RLIM: variants seen among roughly 807,000 people sequenced by gnomAD.
RLIM encodes ring finger protein, LIM domain interacting, also known as E3 ubiquitin-protein ligase RLIM.
Under a neutral mutation model 34.0 loss-of-function variants are expected in RLIM, and 2 were observed. The ratio of observed to expected loss-of-function variants is 0.06; its 90% CI spans 0.02 to 0.19. The LOEUF (loss-of-function observed/expected upper bound fraction) is 0.19. RLIM is among the 10% of genes least tolerant of loss of function. The pLI is 1.00. For missense variants in RLIM, 286 were observed against 479.7 expected, an observed-to-expected ratio of 0.60 and a Z score of 3.77; for synonymous variants, 169 against 164.0, an observed-to-expected ratio of 1.03 and a Z score of -0.23.
chrX:74,609,602 G>A (rs1340295727), intron 1 of RLIM, among the ~76,000 whole-genome samples: 1 of 108,493 alleles, frequency 9.2e-6, no homozygotes, highest in Non-Finnish European at 1.9e-5. Context: ...GACCAACCAT[G>A]CTGACAATTG....
rs1467896321 is a variant in RLIM, at chrX:74,583,176, T to A, written c.*8264A>T. On this transcript the variant is annotated 3_prime_UTR_variant, in exon 4 of 4. Transcript: ENST00000332687. Reference sequence around the variant, plus strand: ...GGCTTGTAGTACAGCTACAGCTTCATCAACCTTAGAATGGAGTGACTCTGG... The same window carrying A: ...GGCTTGTAGTACAGCTACAGCTTCAACAACCTTAGAATGGAGTGACTCTGG... The A allele has an allele frequency of 6.8e-6, 8 of 1,172,563 alleles. No homozygotes were observed. The East Asian group carries it at 2.4e-4, about 35-fold the overall frequency.
intron 3 of RLIM, 127 bp downstream of exon 3, chrX:74,594,179 T>C (rs1272927001): frequency 2.5e-6 from 1 of 398,284 alleles, no homozygotes; most frequent in Non-Finnish European, 4.2e-6. Flanking sequence ...AGTTTTCTTT[T>C]TATGAGCAGT....
chrX:74,587,388 A>G lies in RLIM; in HGVS notation c.*4052T>C, dbSNP rs891621476. Reference sequence around the variant, plus strand: ...TAGTCTTATAAGACTAGGAGAATAAAAGTGCCCTGCAAACATGGCTTCTAT... The same window carrying G: ...TAGTCTTATAAGACTAGGAGAATAAGAGTGCCCTGCAAACATGGCTTCTAT... On this transcript the variant is annotated 3_prime_UTR_variant, in exon 4 of 4. Transcript: ENST00000332687. 9.0e-6 allele frequency: 1 copy of G among 111,568 alleles called. No homozygotes were observed. Among genetic ancestry groups the G allele is most frequent in the Admixed American group, 9.6e-5 (1 of 10,446 alleles). The allele number at this position is 111,568 out of a possible 1,213,427, so 9.2% of individuals were successfully genotyped here. A position where few individuals can be genotyped will look rare whatever the true frequency, so the allele number is the denominator to read the frequency against.
At position 74,586,848 on chromosome X, in the gene RLIM, CT is replaced by C. The variant is rs1225535810; in HGVS notation, c.*4591del. 8.9e-6 allele frequency: 1 copy of C among 112,535 alleles called. No individual in the cohort carries two copies. The highest frequency in any genetic ancestry group is 1.9e-5 in the Non-Finnish European group (1 of 53,365). 9.3% of individuals were successfully genotyped at this position (112,535 alleles called of 1,213,427 possible). On this transcript the variant is annotated 3_prime_UTR_variant, in exon 4 of 4. Transcript: ENST00000332687. ...GTGGCTCACGCCTATAATCCCAGCA[CT>C]TTGGGAGAATGAGGCAGGCAAATTG...
chrX:74,584,052 C>CA lies in RLIM; in HGVS notation c.*7387dup, dbSNP rs951112265. Among the ~76,000 whole-genome samples the CA allele has an allele frequency of 9.0e-6, 1 of 111,216 alleles. No individual in the cohort carries two copies. The highest frequency in any genetic ancestry group is 1.9e-5 in the Non-Finnish European group (1 of 52,948). On this transcript the variant is annotated 3_prime_UTR_variant, in exon 4 of 4. Transcript: ENST00000332687. ...AGGGCGAGAATCCATCTCAAACAAA[C>CA]AAAAAAATAAACAAAAACCAATTTG...
At position 74,591,113 on chromosome X, in the gene RLIM, GA is replaced by G; in HGVS notation, c.*326del. 2 of 214,588 alleles carry G rather than the reference GA, an allele frequency of 9.3e-6. No individual in the cohort carries two copies. The highest frequency in any genetic ancestry group is 6.4e-5 in the Admixed American group (1 of 15,620). The allele number at this position is 214,588 out of a possible 1,213,427, so 17.7% of individuals were successfully genotyped here. On this transcript the variant is annotated 3_prime_UTR_variant, in exon 4 of 4. Transcript: ENST00000332687. ...TGTGGGAAAATTTAAAGATCAACAT[GA>G]AAAAGGAGCCATTGCTAAGGCAGAT...
intron 1 of RLIM, among the ~76,000 whole-genome samples, chrX:74,612,260 TATACTC>T (rs2079714946): frequency 8.9e-6 from 1 of 112,419 alleles, no homozygotes; most frequent in African/African-American, 3.2e-5. Context: ...TTATTTTACT[TATACTC>T]ATGCCATTCC....
In RLIM at chrX:74,587,904, C is replaced by T. The variant is rs1040183845; in HGVS notation, c.*3536G>A. The T allele has an allele frequency of 8.9e-6, 1 of 111,987 alleles. No individual in the cohort carries two copies. The highest frequency in any genetic ancestry group is 3.2e-5 in the African/African-American group (1 of 30,791). 9.2% of individuals were successfully genotyped at this position (111,987 alleles called of 1,213,427 possible). A position where few individuals can be genotyped will look rare whatever the true frequency, so the allele number is the denominator to read the frequency against. On this transcript the variant is annotated 3_prime_UTR_variant, in exon 4 of 4. Coordinates refer to ENST00000332687, the MANE Select transcript of RLIM (RefSeq NM_016120.4). ...CCTAATCTTAAGGTTTGGATGAATTCCAATCGTTTTTAAAAACTGTGTGTG... is the reference window on the plus strand; with the variant it reads ...CCTAATCTTAAGGTTTGGATGAATTTCAATCGTTTTTAAAAACTGTGTGTG...
chrX:74,592,567 T>C lies in RLIM; in HGVS notation c.748A>G (p.Thr250Ala), dbSNP rs1267187895. The change falls in exon 4 of 4, where the codon ACT (threonine) becomes GCT (alanine). Residue 250 changes from threonine to alanine, a missense_variant. By Grantham distance (58) the Thr-to-Ala change is moderately conservative (BLOSUM62 0). This residue lies in a region of RLIM where 121 missense variants were observed against 182.4 expected (regional missense o/e 0.66). Coordinates refer to ENST00000332687, the MANE Select transcript of RLIM (RefSeq NM_016120.4). Reference sequence around the variant, plus strand: ...TCATTTACCAAAGGATGTTCAAAAGTCTGAGATGAGATACTATGATGAGAT... The same window carrying C: ...TCATTTACCAAAGGATGTTCAAAAGCCTGAGATGAGATACTATGATGAGAT... ...RRSHHSISSQ[T>A]FEHPLVNETE... is the part of the protein sequence containing the mutation. 8.3e-7 allele frequency: 1 copy of C among 1,211,884 alleles called. No individual in the cohort carries two copies. Among genetic ancestry groups the C allele is most frequent in the South Asian group, 1.8e-5 (1 of 57,025 alleles).
At chrX:74,597,832 A>G (rs1485849085) in intron 1 of RLIM, among the ~76,000 whole-genome samples, 1 of 111,755 alleles carries the variant, frequency 8.9e-6, no homozygotes, top group Non-Finnish European at 1.9e-5. Flanking sequence ...CTACAACACA[A>G]CATTTGATGG....
At chrX:74,613,693 A>G in intron 1 of RLIM, among the ~76,000 whole-genome samples, 1 of 107,347 alleles carries the variant, frequency 9.3e-6, no homozygotes, top group Middle Eastern at 4.8e-3. Flanking sequence ...ATTAAACACA[A>G]ATTAACTTGA....
Position 74,591,384 on chromosome X carries a change from T to C in RLIM, c.*56A>G. 1 of 979,202 alleles carries C rather than the reference T, an allele frequency of 1.0e-6. No individual in the cohort carries two copies. The allele number at this position is 979,202 out of a possible 1,213,427, so 80.7% of individuals were successfully genotyped here. ...CTCAAAAAGTGGACATAAAAGCAAG[T>C]GATTCCTGTTTGCCCATCACTATAT... On this transcript the variant is annotated 3_prime_UTR_variant, in exon 4 of 4. Coordinates refer to ENST00000332687, the MANE Select transcript of RLIM (RefSeq NM_016120.4).
At chrX:74,614,381 C>T (rs1276789147) in intron 1 of RLIM, 41 bp downstream of exon 1, 2 of 112,395 alleles carry the variant, frequency 1.8e-5, no homozygotes, top group African/African-American at 6.5e-5. Context: ...CTTCCTCTCG[C>T]TCTACATCAT....
chrX:74,607,005 C>T (rs746216654), intron 1 of RLIM, among the ~76,000 whole-genome samples: 2 of 110,274 alleles, frequency 1.8e-5, no homozygotes, highest in South Asian at 3.8e-4. Flanking sequence ...CATGGTAACG[C>T]GCATCTGTGG....
rs1393704485 is a variant in RLIM at position 74,586,039 on chromosome X, A to G, written c.*5401T>C. ...CTGCCCTGTTCTTTGTATGAATCCA[A>G]GTAAACAACTATACCAAAGCAGCTC... is the stretch of plus-strand genomic sequence containing the variant. On this transcript the variant is annotated 3_prime_UTR_variant, in exon 4 of 4. Coordinates refer to ENST00000332687, the MANE Select transcript of RLIM (RefSeq NM_016120.4). The G allele has an allele frequency of 3.6e-5, 4 of 111,930 alleles. No homozygotes were observed. Among genetic ancestry groups the G allele is most frequent in the Admixed American group, 1.9e-4 (2 of 10,517 alleles). 9.2% of individuals were successfully genotyped at this position (111,930 alleles called of 1,213,427 possible).
intron 1 of RLIM, among the ~76,000 whole-genome samples, chrX:74,609,801 A>C (rs1024029319): frequency 7.2e-5 from 8 of 111,595 alleles, no homozygotes; most frequent in African/African-American, 2.3e-4. Context: ...TCAGCACTAA[A>C]GGGATCATTG....
intron 1 of RLIM, among the ~76,000 whole-genome samples, chrX:74,613,118 T>C (rs1046204014): frequency 9.2e-6 from 1 of 108,463 alleles, no homozygotes; most frequent in Non-Finnish European, 1.9e-5. Context: ...AGAAAAGTCA[T>C]GGGGGGGGAG....
In RLIM at chrX:74,607,522, C is replaced by T. The variant is rs762592003; in HGVS notation, c.-24+6900G>A. ...GTCAGGAGTTCAAGAGCAGTCTGGC[C>T]AACATGGTGAAACCCTGTCTCTACA... On this transcript the variant is annotated intron_variant, in intron 1 of 3. Transcript: ENST00000332687. 8.9e-5 allele frequency among the ~76,000 whole-genome samples: 10 copies of T among 112,787 alleles called. No homozygotes were observed. The East Asian group carries it at 2.8e-3, about 32-fold the overall frequency.
At position 74,584,093 on chromosome X, in the gene RLIM, G is replaced by A. The variant is rs767835932; in HGVS notation, c.*7347C>T. 1.4e-4 allele frequency among the ~76,000 whole-genome samples: 15 copies of A among 110,223 alleles called. 1 individual carries two copies. The South Asian group carries it at 5.7e-3, about 42-fold the overall frequency. Reference sequence around the variant, plus strand: ...AACCAATTTGGCCTTTTTTTTTCTTGGCAAACCAGCCAAAACTGATGTTTT... The same window carrying A: ...AACCAATTTGGCCTTTTTTTTTCTTAGCAAACCAGCCAAAACTGATGTTTT... On this transcript the variant is annotated 3_prime_UTR_variant, in exon 4 of 4. Coordinates refer to ENST00000332687, the MANE Select transcript of RLIM (RefSeq NM_016120.4).
Sources: allele counts gnomAD v4.1 joint callset (sites outside exome capture counted in the v4.1 genomes callset), GRCh38; gene constraint gnomAD v4.1.1; regional missense constraint gnomAD v4.1.1; transcripts MANE v1.5; gene names NCBI Gene and HGNC (gene_info 2026-07-23, HGNC 2026-07-21).